POLR2K: variants seen among roughly 807,000 people sequenced by gnomAD.
The protein encoded by POLR2K is RNA polymerase II, I and III subunit K, also known as DNA-directed RNA polymerases I, II, and III subunit RPABC4.
A neutral mutation model predicts 10.1 loss-of-function variants in POLR2K; 9 were observed. The ratio of observed to expected loss-of-function variants is 0.89; its 90% CI spans 0.54 to 1.56. The LOEUF is 1.56. Among genes scored for constraint, POLR2K ranks in the 40% most tolerant of loss-of-function variants. The probability of loss-of-function intolerance (pLI) is 0.00; values close to 1 mark genes in which losing one functional copy is unlikely to be tolerated. For missense variants in POLR2K, 53 were observed against 71.9 expected, an observed-to-expected ratio of 0.74 and a Z score of 0.95; for synonymous variants, 19 against 20.3, an observed-to-expected ratio of 0.94 and a Z score of 0.17.
At chr8:100,150,937 T>C (rs1814909457) in intron 1 of POLR2K, among the ~76,000 whole-genome samples, 1 of 152,238 alleles carries the variant, frequency 6.6e-6, no homozygotes, top group South Asian at 2.1e-4. Context: ...GATATAATTT[T>C]TTTTGGCTAA....
In POLR2K at chr8:100,153,861, T is replaced by C. The variant is rs555058322; in HGVS notation, c.*545T>C. ...GTGACTTTTTGTTTTATTGTATATGTAATTTAACACACAATAAAGGGTAAA... is the reference window on the plus strand; with the variant it reads ...GTGACTTTTTGTTTTATTGTATATGCAATTTAACACACAATAAAGGGTAAA... On this transcript the variant is annotated 3_prime_UTR_variant, in exon 4 of 4. Coordinates refer to ENST00000353107, the MANE Select transcript of POLR2K (RefSeq NM_005034.4). The C allele has an allele frequency of 6.6e-6, 1 of 152,376 alleles. No homozygotes were observed. The highest frequency in any genetic ancestry group is 2.1e-4 in the South Asian group (1 of 4,832). The allele number at this position is 152,376 out of a possible 1,614,324, so 9.4% of individuals were successfully genotyped here.
intron 3 of POLR2K, 137 bp downstream of exon 3, chr8:100,152,053 C>T: frequency 1.5e-6 from 1 of 658,064 alleles, no homozygotes. Context: ...TTAGCATTTT[C>T]ATGGACCAAT....
chr8:100,152,046 G>A, intron 3 of POLR2K, 130 bp downstream of exon 3: 1 of 660,246 alleles, frequency 1.5e-6, no homozygotes, highest in Non-Finnish European at 2.7e-6. Flanking sequence ...AACATGATTA[G>A]CATTTTCATG....
chr8:100,153,048 G>A (rs536638988), intron 3 of POLR2K, among the ~76,000 whole-genome samples: 4 of 152,286 alleles, frequency 2.6e-5, no homozygotes, highest in East Asian at 1.9e-4. Context: ...GATTACAGGC[G>A]TGAGCCACTG....
At position 100,153,444 on chromosome 8, in the gene POLR2K, G is replaced by C. The variant is rs1814946470; in HGVS notation, c.*128G>C. ...TTATCTTCGGGAGATACATTCCAAG[G>C]CCCCCAGTGAACTCCTGAAACCTCA... On this transcript the variant is annotated 3_prime_UTR_variant, in exon 4 of 4. Transcript: ENST00000353107. 1 of 770,136 alleles carries C rather than the reference G, an allele frequency of 1.3e-6. No individual in the cohort carries two copies. The highest frequency in any genetic ancestry group is 1.8e-5 in the African/African-American group (1 of 56,964). 47.7% of individuals were successfully genotyped at this position (770,136 alleles called of 1,614,324 possible).
intron 1 of POLR2K, among the ~76,000 whole-genome samples, 168 bp from the exon 2 acceptor site, chr8:100,151,179 C>T (rs1377421927): frequency 6.6e-6 from 1 of 152,178 alleles, no homozygotes. Context: ...GGGGTAAACG[C>T]TCAATACTTG....
At chr8:100,153,047 C>T (rs574415376) in intron 3 of POLR2K, among the ~76,000 whole-genome samples, 4 of 152,254 alleles carry the variant, frequency 2.6e-5, no homozygotes, top group South Asian at 2.1e-4. Context: ...GGATTACAGG[C>T]GTGAGCCACT....
intron 2 of POLR2K, 126 bp downstream of exon 2, chr8:100,151,542 T>TA (rs1356813146): frequency 5.9e-5 from 42 of 708,912 alleles, no homozygotes; most frequent in South Asian, 1.0e-4. Flanking sequence ...TTAGCAACCA[T>TA]AAAAAAAATC....
At position 100,153,928 on chromosome 8, in the gene POLR2K, A is replaced by G. The variant is rs1814952396; in HGVS notation, c.*612A>G. On this transcript the variant is annotated 3_prime_UTR_variant, in exon 4 of 4. Coordinates refer to ENST00000353107, the MANE Select transcript of POLR2K (RefSeq NM_005034.4). ...ACACTTTTAATCAAAACCTAGAATC[A>G]TCTGCAGTCCTTGTTAAAAATGCAG... 3 of 152,216 alleles carry G rather than the reference A, an allele frequency of 2.0e-5. No individual in the cohort carries two copies. The highest frequency in any genetic ancestry group is 4.4e-5 in the Non-Finnish European group (3 of 68,032). 9.4% of individuals were successfully genotyped at this position (152,216 alleles called of 1,614,324 possible). A position where few individuals can be genotyped will look rare whatever the true frequency, so the allele number is the denominator to read the frequency against.
At position 100,151,397 on chromosome 8, in the gene POLR2K, A is replaced by G. The variant is rs778186994; in HGVS notation, c.42A>G (p.Pro14=). The G allele has an allele frequency of 6.2e-7, 1 of 1,606,214 alleles. No individual in the cohort carries two copies. Among genetic ancestry groups the G allele is most frequent in the East Asian group, 2.2e-5 (1 of 44,846 alleles). Residue 14 remains proline, a synonymous_variant, in exon 2 of 4, where the codon CCA becomes CCG. Coordinates refer to ENST00000353107, the MANE Select transcript of POLR2K (RefSeq NM_005034.4). ...ACGTTCAACCTCCAAAGCAGCAACC[A>G]ATGATATATATCTGTGGAGGTAAGA... ...QKDVQPPKQQ[P]MIYICGECHT...
Position 100,151,383 on chromosome 8 carries a change from C to T in POLR2K, c.28C>T (p.Pro10Ser), listed in dbSNP as rs1318188442. 4 of 1,610,352 alleles carry T rather than the reference C, an allele frequency of 2.5e-6. No individual in the cohort carries two copies. Among genetic ancestry groups the T allele is most frequent in the Non-Finnish European group, 3.4e-6 (4 of 1,176,534 alleles). Reference protein sequence around the residue: MDTQKDVQPPKQQPMIYICG... With the variant: MDTQKDVQPSKQQPMIYICG... Reference sequence around the variant, plus strand: ...GGACACCCAGAAGGACGTTCAACCTCCAAAGCAGCAACCAATGATATATAT... The same window carrying T: ...GGACACCCAGAAGGACGTTCAACCTTCAAAGCAGCAACCAATGATATATAT... The change falls in exon 2 of 4, where the codon CCA becomes TCA. Residue 10 changes from proline to serine, a missense_variant. Coordinates refer to ENST00000353107, the MANE Select transcript of POLR2K (RefSeq NM_005034.4).
chr8:100,152,702 A>G (rs1814935745), intron 3 of POLR2K, among the ~76,000 whole-genome samples: 1 of 152,226 alleles, frequency 6.6e-6, no homozygotes, highest in South Asian at 2.1e-4. Flanking sequence ...TTATGATACA[A>G]CTAACACACA....
Position 100,150,687 on chromosome 8 carries a change from G to C in POLR2K, c.-32G>C, listed in dbSNP as rs1234863105. On this transcript the variant is annotated 5_prime_UTR_variant, in exon 1 of 4. Transcript: ENST00000353107. ...GCCGGGTTGTATTTGGAAACGCGGA[G>C]TGAGTTTTTCCGTGCTGTGTAGGTA... 6.6e-6 allele frequency: 1 copy of C among 152,430 alleles called. No homozygotes were observed. Among genetic ancestry groups the C allele is most frequent in the Non-Finnish European group, 1.5e-5 (1 of 68,192 alleles). The allele number at this position is 152,430 out of a possible 1,614,324, so 9.4% of individuals were successfully genotyped here. A position where few individuals can be genotyped will look rare whatever the true frequency, so the allele number is the denominator to read the frequency against.
At position 100,150,684 on chromosome 8, in the gene POLR2K, G is replaced by C. The variant is rs147279560; in HGVS notation, c.-35G>C. The C allele has an allele frequency of 6.6e-6, 1 of 152,398 alleles. No homozygotes were observed. Among genetic ancestry groups the C allele is most frequent in the Non-Finnish European group, 1.5e-5 (1 of 68,186 alleles). The allele number at this position is 152,398 out of a possible 1,614,324, so 9.4% of individuals were successfully genotyped here. ...CTAGCCGGGTTGTATTTGGAAACGC[G>C]GAGTGAGTTTTTCCGTGCTGTGTAG... On this transcript the variant is annotated 5_prime_UTR_variant, in exon 1 of 4. Transcript: ENST00000353107.
intron 3 of POLR2K, 89 bp downstream of exon 3, chr8:100,152,005 T>C (rs781259063): frequency 1.4e-6 from 1 of 740,444 alleles, no homozygotes. Context: ...GTTAAAATGA[T>C]AACTTTCTGG....
Position 100,153,488 on chromosome 8 carries a change from T to C in POLR2K, c.*172T>C. On this transcript the variant is annotated 3_prime_UTR_variant, in exon 4 of 4. Coordinates refer to ENST00000353107, the MANE Select transcript of POLR2K (RefSeq NM_005034.4). ...AACCTCAAACAGTACCAAACCTTTA[T>C]ACACTGTTTTTTCCATATATATATA... The C allele has an allele frequency of 1.9e-6, 1 of 533,446 alleles. No homozygotes were observed. The highest frequency in any genetic ancestry group is 2.8e-5 in the South Asian group (1 of 35,310). The allele number at this position is 533,446 out of a possible 1,614,324, so 33.0% of individuals were successfully genotyped here.
intron 1 of POLR2K, among the ~76,000 whole-genome samples, chr8:100,151,087 T>C (rs905411383): frequency 6.6e-6 from 1 of 152,210 alleles, no homozygotes; most frequent in African/African-American, 2.4e-5. Flanking sequence ...GCGTCCTCTG[T>C]AAAACAAGAG....
chr8:100,152,989 C>T lies in POLR2K; in HGVS notation c.155-305C>T, dbSNP rs182342425. Among the ~76,000 whole-genome samples the T allele has an allele frequency of 5.1e-3, 769 of 152,174 alleles. 6 individuals are homozygous for T. Among genetic ancestry groups the T allele is most frequent in the African/African-American group, 0.018 (735 of 41,520 alleles). On this transcript the variant is annotated intron_variant, in intron 3 of 3. Transcript: ENST00000353107. ...TTCACCATGTTAGCCAGGATGGTCT[C>T]GATCTCCTGACCTCGTGATCCGCCC...
Position 100,153,517 on chromosome 8 carries a change from A to G in POLR2K, c.*201A>G, listed in dbSNP as rs916541058. ...CTGTTTTTTCCATATATATATACCT[A>G]TGATAAAGTATAATGTATAAATTAA... On this transcript the variant is annotated 3_prime_UTR_variant, in exon 4 of 4. Coordinates refer to ENST00000353107, the MANE Select transcript of POLR2K (RefSeq NM_005034.4). The G allele has an allele frequency of 2.4e-5, 11 of 460,614 alleles. No homozygotes were observed. Among genetic ancestry groups the G allele is most frequent in the Non-Finnish European group, 4.2e-5 (11 of 261,614 alleles). 28.5% of individuals were successfully genotyped at this position (460,614 alleles called of 1,614,324 possible). A position where few individuals can be genotyped will look rare whatever the true frequency, so the allele number is the denominator to read the frequency against.
Sources: gnomAD v4.1 joint callset for allele counts (sites outside exome capture counted in the v4.1 genomes callset) on GRCh38, gnomAD v4.1.1 for gene constraint, MANE v1.5 for transcripts, NCBI Gene and HGNC (gene_info 2026-07-23, HGNC 2026-07-21) for gene names.